Variants in PTPN21 observed in about 807,000 individuals in gnomAD.
The protein encoded by PTPN21 is tyrosine-protein phosphatase non-receptor type 21.
PTPN21 carries 77 observed loss-of-function variants against 131.8 expected under a neutral mutation model. The ratio of observed to expected loss-of-function variants is 0.58; its 90% confidence interval spans 0.49 to 0.71. PTPN21 has a LOEUF of 0.71. Among genes scored for constraint, PTPN21 ranks in the 30% least tolerant of loss-of-function variants. The pLI is 0.00. For missense variants in PTPN21, 1,552 were observed against 1,527.1 expected, an observed-to-expected ratio of 1.02 and a Z score of -0.27; for synonymous variants, 715 against 621.3, an observed-to-expected ratio of 1.15 and a Z score of -2.24.
chr14:88,523,752 CACA>C (rs2078435450), intron 2 of PTPN21, among the ~76,000 whole-genome samples: 12 of 150,976 alleles, frequency 7.9e-5, no homozygotes, highest in Non-Finnish European at 1.3e-4. Flanking sequence ...CACACACACA[CACA>C]CCCCTGCCCT....
chr14:88,553,111 CTTAA>C (rs923688045), intron 1 of PTPN21, among the ~76,000 whole-genome samples: 3 of 152,208 alleles, frequency 2.0e-5, no homozygotes, highest in African/African-American at 2.4e-5. Flanking sequence ...CACTGTATAA[CTTAA>C]TTATTAACTT....
In PTPN21 at chr14:88,517,137, A is replaced by G; in HGVS notation, c.305T>C (p.Val102Ala). 1 of 1,614,038 alleles carries G rather than the reference A, an allele frequency of 6.2e-7. No homozygotes were observed. Among genetic ancestry groups the G allele is most frequent in the South Asian group, 1.1e-5 (1 of 91,052 alleles). The change falls in exon 3 of 19, where the codon GTG (valine) becomes GCG (alanine). Residue 102 changes from valine (V) to alanine (A), a missense_variant. By Grantham distance (64) the Val-to-Ala change is moderately conservative (BLOSUM62 0). Coordinates refer to ENST00000556564, the MANE Select transcript of PTPN21 (RefSeq NM_007039.4). ...CTGAGAAACTGAAGGCACATAAAAC[A>G]CCACTCCAAAATAGACGGTAGGTTC... Reference protein sequence around the residue: ...ALEPTVYFGVVFYVPSVSQLQ... With the variant: ...ALEPTVYFGVAFYVPSVSQLQ...
intron 12 of PTPN21, 129 bp from the exon 13 acceptor site, chr14:88,480,481 A>G (rs1269136403): frequency 1.5e-5 from 11 of 755,424 alleles, no homozygotes; most frequent in Non-Finnish European, 2.3e-5. Flanking sequence ...AGAATGACCT[A>G]GCTTTAGCCA....
At chr14:88,539,916 G>A (rs146205489) in intron 2 of PTPN21, among the ~76,000 whole-genome samples, 299 of 152,094 alleles carry the variant, frequency 2.0e-3, no homozygotes, top group Non-Finnish European at 3.5e-3. Context: ...TTCAAAATAG[G>A]TGTCAATCAT....
chr14:88,524,162 T>C (rs2078441726), intron 2 of PTPN21, among the ~76,000 whole-genome samples: 1 of 152,112 alleles, frequency 6.6e-6, no homozygotes, highest in African/African-American at 2.4e-5. Flanking sequence ...GGGCTCCAAA[T>C]AGCCAAAACA....
Position 88,509,473 on chromosome 14 carries a change from G to A in PTPN21, c.351-1453C>T, listed in dbSNP as rs141202454. Among the ~76,000 whole-genome samples the A allele has an allele frequency of 2.2e-4, 33 of 152,266 alleles. No homozygotes were observed. In the East Asian group the frequency reaches 6.4e-3, roughly 29 times the overall value. On this transcript the variant is annotated intron_variant, in intron 3 of 18. Coordinates refer to ENST00000556564, the MANE Select transcript of PTPN21 (RefSeq NM_007039.4). ...TCTGTTCTTTATTACCAAAGAACCT[G>A]ACCAAAACACCATCCATTCAAGTAA... is the stretch of plus-strand genomic sequence containing the variant.
chr14:88,502,301 T>C (rs1279006656), intron 6 of PTPN21, among the ~76,000 whole-genome samples: 1 of 152,148 alleles, frequency 6.6e-6, no homozygotes, highest in African/African-American at 2.4e-5. Flanking sequence ...AGAATCCCTC[T>C]TCTTGGTGTG....
Position 88,501,385 on chromosome 14 carries a change from G to A in PTPN21, c.588-17C>T. 13 of 1,602,994 alleles carry A rather than the reference G, an allele frequency of 8.1e-6. No individual in the cohort carries two copies. The highest frequency in any genetic ancestry group is 1.1e-5 in the Non-Finnish European group (13 of 1,170,256). ...GTGAGCCCTCTGCAACCCAAAAGAA[G>A]CAAGATTGTTCACAAAGCAAGCTTA... On this transcript the variant is annotated splice_polypyrimidine_tract_variant and intron_variant, in intron 6 of 18. Transcript: ENST00000556564.
intron 2 of PTPN21, among the ~76,000 whole-genome samples, chr14:88,533,612 G>A (rs945002889): frequency 6.6e-6 from 1 of 152,202 alleles, no homozygotes; most frequent in Non-Finnish European, 1.5e-5. Context: ...GCCAGGTGCA[G>A]TAGCTCCCAT....
chr14:88,526,013 G>A (rs913371695), intron 2 of PTPN21, among the ~76,000 whole-genome samples: 2 of 152,100 alleles, frequency 1.3e-5, no homozygotes, highest in Non-Finnish European at 2.9e-5. Flanking sequence ...AGGTGTGGTG[G>A]CTCATACCTG....
chr14:88,501,766 G>C (rs1595374593), intron 6 of PTPN21, among the ~76,000 whole-genome samples: 2 of 152,064 alleles, frequency 1.3e-5, no homozygotes, highest in South Asian at 4.2e-4. Context: ...ACCACCTGAG[G>C]CCAGCAGTTT....
chr14:88,469,176 G>T lies in PTPN21; in HGVS notation c.3236-100C>A. 1 of 1,325,732 alleles carries T rather than the reference G, an allele frequency of 7.5e-7. No homozygotes were observed. Among genetic ancestry groups the T allele is most frequent in the Non-Finnish European group, 1.0e-6 (1 of 973,734 alleles). The allele number at this position is 1,325,732 out of a possible 1,614,324, so 82.1% of individuals were successfully genotyped here. On this transcript the variant is annotated intron_variant, in intron 17 of 18. Transcript: ENST00000556564. The surrounding 1 kb of genome is among the most constrained non-coding windows in gnomAD (Gnocchi z 4.3). ...CTCTCCACTGATTAAGAGGACTGCA[G>T]ATAAAGAGCACTGGGTGCCAGTGAA...
chr14:88,485,435 C>T (rs1032008357), intron 11 of PTPN21, among the ~76,000 whole-genome samples: 1 of 152,044 alleles, frequency 6.6e-6, no homozygotes, highest in Non-Finnish European at 1.5e-5. Flanking sequence ...GCAATAGATA[C>T]ACATTTCCTT....
chr14:88,472,256 T>C lies in PTPN21; in HGVS notation c.2859A>G (p.Ala953=), dbSNP rs151057178. Residue 953 remains alanine (A), a synonymous_variant, in exon 15 of 19, where the codon GCA becomes GCG. Coordinates refer to ENST00000556564, the MANE Select transcript of PTPN21 (RefSeq NM_007039.4). ...TKENNTGYIN[A]SHIKVSVSGI... is the part of the protein sequence containing the mutation. ...GCGTTCCTCTCACCTTAATATGTGA[T>C]GCGTTGATGTAACCAGTGTTGTTTT... 1.2e-4 allele frequency: 194 copies of C among 1,607,236 alleles called. No individual in the cohort carries two copies. The highest frequency in any genetic ancestry group is 1.6e-4 in the Non-Finnish European group (184 of 1,173,954).
chr14:88,468,203 A>C lies in PTPN21; in HGVS notation c.3459T>G (p.Thr1153=). ...LRQQRMMLVQ[T]LCQYTFVYRV... ...TGTACACAAATGTGTACTGGCAGAG[A>C]GTCTGCACCAGCATCATTCTCTGTT... is the stretch of plus-strand genomic sequence containing the variant. Residue 1153 remains threonine, a synonymous_variant, in exon 19 of 19, where the codon ACT becomes ACG. Coordinates refer to ENST00000556564, the MANE Select transcript of PTPN21 (RefSeq NM_007039.4). The C allele has an allele frequency of 6.2e-7, 1 of 1,611,980 alleles. No homozygotes were observed. Among genetic ancestry groups the C allele is most frequent in the Non-Finnish European group, 8.5e-7 (1 of 1,178,284 alleles).
chr14:88,544,060 T>C (rs949941939), intron 2 of PTPN21, among the ~76,000 whole-genome samples: 1 of 152,108 alleles, frequency 6.6e-6, no homozygotes, highest in African/African-American at 2.4e-5. Flanking sequence ...AAAAAACTTT[T>C]TAGGCCAGGT....
intron 6 of PTPN21, chr14:88,503,861 G>A (rs1344787170): frequency 6.6e-6 from 1 of 152,454 alleles, no homozygotes; most frequent in African/African-American, 2.4e-5. Context: ...ATCCAGAAGA[G>A]TATTTTTTCT....
At chr14:88,486,001 C>T (rs2077726167) in intron 10 of PTPN21, among the ~76,000 whole-genome samples, 159 bp from the exon 11 acceptor site, 1 of 152,196 alleles carries the variant, frequency 6.6e-6, no homozygotes, top group Non-Finnish European at 1.5e-5. Context: ...GGTTCTCTGT[C>T]GGCCCGTGGG....
intron 2 of PTPN21, among the ~76,000 whole-genome samples, chr14:88,529,602 G>A (rs1194184640): frequency 2.0e-5 from 3 of 152,108 alleles, no homozygotes; most frequent in Non-Finnish European, 2.9e-5. Flanking sequence ...AACACAAGAA[G>A]CTCAAAGAAC....
Sources: gnomAD v4.1 joint callset for allele counts (sites outside exome capture counted in the v4.1 genomes callset) on GRCh38, gnomAD v4.1.1 for gene constraint, Gnocchi (gnomAD v3.1) non-coding constraint, MANE v1.5 for transcripts, NCBI Gene and HGNC (gene_info 2026-07-23, HGNC 2026-07-21) for gene names.